LPCAT2: variants seen among roughly 807,000 people sequenced by gnomAD.
The protein encoded by LPCAT2 is 1-AGP acyltransferase 11.
A neutral mutation model predicts 64.7 loss-of-function variants in LPCAT2; 58 were observed. That is an observed-to-expected ratio of 0.90 (90% CI 0.73 to 1.12). The LOEUF (loss-of-function observed/expected upper bound fraction) is 1.12. Among genes scored for constraint, LPCAT2 ranks in the 50% most tolerant of loss-of-function variants. The probability of loss-of-function intolerance (pLI) is 0.00; values close to 1 mark genes in which losing one functional copy is unlikely to be tolerated. For synonymous variants in LPCAT2, 252 were observed against 245.3 expected (o/e 1.03, Z -0.26); for missense variants, 579 against 669.8 (o/e 0.86, Z 1.50).
At position 55,579,108 on chromosome 16, in the gene LPCAT2, G is replaced by T. The variant is rs1963860974; in HGVS notation, c.1315-1G>T. 1.2e-6 allele frequency: 2 copies of T among 1,612,024 alleles called. No individual in the cohort carries two copies. Among genetic ancestry groups the T allele is most frequent in the Non-Finnish European group, 1.7e-6 (2 of 1,179,094 alleles). ...TAATTCTTACATTTTATTTTCTTCAGCTGTTTGACGTTGATGAGGATGGCT... is the reference window on the plus strand; with the variant it reads ...TAATTCTTACATTTTATTTTCTTCATCTGTTTGACGTTGATGAGGATGGCT... On this transcript the variant is annotated splice_acceptor_variant, in intron 12 of 13. Coordinates refer to ENST00000262134, the MANE Select transcript of LPCAT2 (RefSeq NM_017839.5). LOFTEE classifies it high-confidence loss of function.
intron 11 of LPCAT2, among the ~76,000 whole-genome samples, chr16:55,563,144 A>T (rs537813834): frequency 1.3e-5 from 2 of 151,862 alleles, no homozygotes; most frequent in East Asian, 3.9e-4. Context: ...GAAATTGTCA[A>T]ATTCCTACAC....
At chr16:55,582,888 T>C (rs569505716) in intron 13 of LPCAT2, 26 bp from the exon 14 acceptor site, 7 of 1,508,420 alleles carry the variant, frequency 4.6e-6, no homozygotes, top group South Asian at 2.4e-5. Context: ...CCCCAACTTA[T>C]TGGATTTTTT....
At chr16:55,510,615 G>A (rs1157314337) in intron 1 of LPCAT2, among the ~76,000 whole-genome samples, 1 of 152,212 alleles carries the variant, frequency 6.6e-6, no homozygotes, top group Non-Finnish European at 1.5e-5. Flanking sequence ...GTGGTGGCTT[G>A]AGTAATGGTA....
intron 1 of LPCAT2, among the ~76,000 whole-genome samples, chr16:55,514,816 C>A (rs1962984834): frequency 6.6e-6 from 1 of 150,702 alleles, no homozygotes; most frequent in African/African-American, 2.4e-5. Context: ...TAAAGGAAAC[C>A]ATGTTTAAAG....
Position 55,509,225 on chromosome 16 carries a change from C to A in LPCAT2, c.44C>A (p.Pro15Gln). The A allele has an allele frequency of 6.9e-7, 1 of 1,458,808 alleles. No homozygotes were observed. Among genetic ancestry groups the A allele is most frequent in the South Asian group, 1.4e-5 (1 of 72,694 alleles). The allele number at this position is 1,458,808 out of a possible 1,614,324, so 90.4% of individuals were successfully genotyped here. Residue 15 changes from proline to glutamine, a missense_variant, in exon 1 of 14, where the codon CCA becomes CAA. By Grantham distance (76) the Pro-to-Gln change is moderately conservative (BLOSUM62 -1). Coordinates refer to ENST00000262134, the MANE Select transcript of LPCAT2 (RefSeq NM_017839.5). ...AQAAEVAATV[P>Q]GAGVGNVGLR... The stretch of plus-strand genomic sequence containing the variant: ...GCGGCGGAAGTGGCGGCCACAGTGC[C>A]AGGTGCCGGCGTCGGGAACGTGGGG...
intron 1 of LPCAT2, among the ~76,000 whole-genome samples, chr16:55,521,508 G>GA (rs1351604332): frequency 6.6e-6 from 1 of 151,634 alleles, no homozygotes; most frequent in East Asian, 1.9e-4. Context: ...TACCAAATCT[G>GA]AAAAAGACAT....
intron 11 of LPCAT2, among the ~76,000 whole-genome samples, chr16:55,553,536 T>A (rs573515585): frequency 6.6e-6 from 1 of 152,356 alleles, no homozygotes; most frequent in East Asian, 1.9e-4. Context: ...CCATTTTTAA[T>A]TCTAGCTCTC....
intron 12 of LPCAT2, 95 bp downstream of exon 12, chr16:55,574,824 AT>A: frequency 1.1e-6 from 1 of 891,196 alleles, no homozygotes. Context: ...CTATTATGTG[AT>A]TTTATAGATC....
At chr16:55,519,508 C>T (rs370879509) in intron 1 of LPCAT2, among the ~76,000 whole-genome samples, 6 of 123,756 alleles carry the variant, frequency 4.8e-5, no homozygotes, top group Admixed American at 1.6e-4. Context: ...GACTCCATCA[C>T]AAAAAAAAAA....
intron 1 of LPCAT2, among the ~76,000 whole-genome samples, chr16:55,510,831 C>T (rs1456841439): frequency 1.3e-5 from 2 of 152,112 alleles, no homozygotes; most frequent in Non-Finnish European, 1.5e-5. Context: ...TTAATTAAAT[C>T]ATACTTAAAT....
At chr16:55,571,644 T>C (rs1188435450) in intron 11 of LPCAT2, among the ~76,000 whole-genome samples, 2 of 152,134 alleles carry the variant, frequency 1.3e-5, no homozygotes, top group Non-Finnish European at 2.9e-5. Context: ...TTATTAAGTT[T>C]ATAATTCTTC....
chr16:55,536,490 A>AT lies in LPCAT2; in HGVS notation c.798-1081dup, dbSNP rs202179169. On this transcript the variant is annotated intron_variant, in intron 7 of 13. Coordinates refer to ENST00000262134, the MANE Select transcript of LPCAT2 (RefSeq NM_017839.5). ...CTTTAGAGTTTATAGATAGTAAAAG[A>AT]TTTTTTTCTTTCAAATGGAAGATTT... 6.8e-3 allele frequency among the ~76,000 whole-genome samples: 1,042 copies of AT among 152,286 alleles called. 6 individuals carry two copies. The highest frequency in any genetic ancestry group is 0.011 in the Non-Finnish European group (736 of 68,018).
intron 1 of LPCAT2, among the ~76,000 whole-genome samples, chr16:55,521,383 G>T (rs966527404): frequency 9.2e-5 from 14 of 151,724 alleles, no homozygotes; most frequent in African/African-American, 3.4e-4. Context: ...TATTTTACTA[G>T]TAAATTTTGT....
intron 11 of LPCAT2, chr16:55,566,713 C>A: frequency 1.3e-6 from 2 of 1,550,402 alleles, no homozygotes; most frequent in Non-Finnish European, 8.7e-7. Flanking sequence ...TTTTTTCATA[C>A]CATCTCTAAG....
At chr16:55,559,771 A>G (rs1444261468) in intron 11 of LPCAT2, among the ~76,000 whole-genome samples, 9 of 151,670 alleles carry the variant, frequency 5.9e-5, no homozygotes, top group African/African-American at 1.9e-4. Flanking sequence ...ACAATTTGAA[A>G]AAAAAAAAAA....
At chr16:55,539,373 A>G (rs1037215051) in intron 8 of LPCAT2, 4 of 151,900 alleles carry the variant, frequency 2.6e-5, no homozygotes, top group Non-Finnish European at 5.9e-5. Flanking sequence ...ATAACTTCAC[A>G]AATAAAATGA....
At chr16:55,567,593 G>C (rs969064100) in intron 11 of LPCAT2, 3 of 1,318,498 alleles carry the variant, frequency 2.3e-6, no homozygotes, top group Middle Eastern at 2.0e-4. Flanking sequence ...CTGTGCAACA[G>C]CTCTCATTTC....
At chr16:55,580,826 A>T (rs1192157806) in intron 13 of LPCAT2, among the ~76,000 whole-genome samples, 1 of 86,742 alleles carries the variant, frequency 1.2e-5, no homozygotes, top group African/African-American at 4.9e-5. Context: ...TTAGATTCTC[A>T]TAGGAGCGCA....
At chr16:55,567,181 A>G (rs772214492) in intron 11 of LPCAT2, 2 of 1,613,828 alleles carry the variant, frequency 1.2e-6, no homozygotes, top group East Asian at 4.5e-5. Flanking sequence ...CTGGGCTTTG[A>G]AGAATTTAAG....
Sources: allele counts gnomAD v4.1 joint callset (sites outside exome capture counted in the v4.1 genomes callset), GRCh38; gene constraint gnomAD v4.1.1; transcripts MANE v1.5; gene names NCBI Gene and HGNC (gene_info 2026-07-23, HGNC 2026-07-21).